The following PRKCA variants were observed in gnomAD, a reference collection of about 807,000 sequenced individuals.
PRKCA encodes protein kinase C alpha type.
PRKCA carries 27 observed loss-of-function variants against 87.0 expected under a neutral mutation model. The ratio of observed to expected loss-of-function variants is 0.31; its 90% CI spans 0.23 to 0.43. PRKCA has a LOEUF of 0.43. PRKCA is among the 20% of genes least tolerant of loss of function. The pLI is 1.00. For synonymous variants in PRKCA, 329 were observed against 311.1 expected (o/e 1.06, Z -0.61); for missense variants, 518 against 852.3 (o/e 0.61, Z 4.88).
intron 2 of PRKCA, among the ~76,000 whole-genome samples, chr17:66,491,906 G>A (rs1244522481): frequency 6.6e-6 from 1 of 152,232 alleles, no homozygotes; most frequent in Non-Finnish European, 1.5e-5. Flanking sequence ...GGCACATGCT[G>A]CATGCAGCCA....
rs752910745 is a variant in PRKCA at position 66,735,691 on chromosome 17, A to G, written c.1230+29A>G. 3 of 1,604,876 alleles carry G rather than the reference A, an allele frequency of 1.9e-6. 1 individual carries two copies. Among genetic ancestry groups the G allele is most frequent in the Non-Finnish European group, 2.6e-6 (3 of 1,174,496 alleles). On this transcript the variant is annotated intron_variant, in intron 10 of 16. Transcript: ENST00000413366. ...AGGACCCTGGGAATCCCTGCGATGC[A>G]GTACCCAGCTCTCAGAGCTACGCCT... is the stretch of plus-strand genomic sequence containing the variant.
rs913029204 is a variant in PRKCA at position 66,809,378 on chromosome 17, G to GC, written c.*5346dup. 3 of 152,546 alleles carry GC rather than the reference G, an allele frequency of 2.0e-5. No individual in the cohort carries two copies. Among genetic ancestry groups the GC allele is most frequent in the African/African-American group, 7.2e-5 (3 of 41,418 alleles). The allele number at this position is 152,546 out of a possible 1,614,324, so 9.4% of individuals were successfully genotyped here. ...AGCCTTACAGTGACCCTACACAAAAGCCCCCAAATTCCAAAGACTTTTTCT... is the reference window on the plus strand; with the variant it reads ...AGCCTTACAGTGACCCTACACAAAAGCCCCCCAAATTCCAAAGACTTTTTCT... On this transcript the variant is annotated 3_prime_UTR_variant, in exon 17 of 17. Coordinates refer to ENST00000413366, the MANE Select transcript of PRKCA (RefSeq NM_002737.3).
chr17:66,627,342 CATT>C (rs1476733003), intron 3 of PRKCA, among the ~76,000 whole-genome samples: 5 of 152,062 alleles, frequency 3.3e-5, no homozygotes, highest in Non-Finnish European at 1.5e-5. Flanking sequence ...CTATTTTGGT[CATT>C]ATTCTTCAGG....
intron 3 of PRKCA, among the ~76,000 whole-genome samples, chr17:66,555,398 T>C (rs1968464792): frequency 6.6e-6 from 1 of 152,200 alleles, no homozygotes; most frequent in Non-Finnish European, 1.5e-5. Context: ...GAACATGCTT[T>C]TCTGTCATAT....
At chr17:66,318,538 G>A (rs558035286) in intron 2 of PRKCA, among the ~76,000 whole-genome samples, 3 of 152,204 alleles carry the variant, frequency 2.0e-5, no homozygotes, top group Admixed American at 6.5e-5. Flanking sequence ...GGGCTGGAGC[G>A]GGAATAGTTG....
intron 13 of PRKCA, among the ~76,000 whole-genome samples, chr17:66,745,345 A>G (rs1489051066): frequency 6.6e-6 from 1 of 152,246 alleles, no homozygotes; most frequent in African/African-American, 2.4e-5. Context: ...TAATAGAGGA[A>G]GTGACCACCT....
intron 8 of PRKCA, among the ~76,000 whole-genome samples, chr17:66,720,494 A>T (rs1973588089): frequency 6.6e-6 from 1 of 152,086 alleles, no homozygotes; most frequent in Non-Finnish European, 1.5e-5. Flanking sequence ...TACCGTGAAA[A>T]CCCTCAGTTC....
At chr17:66,618,142 G>T (rs1002666080) in intron 3 of PRKCA, among the ~76,000 whole-genome samples, 4 of 152,072 alleles carry the variant, frequency 2.6e-5, no homozygotes, top group African/African-American at 4.8e-5. Context: ...ATCACCTGAG[G>T]TCAGGAGTTC....
At chr17:66,370,863 G>A (rs1355982606) in intron 2 of PRKCA, among the ~76,000 whole-genome samples, 1 of 152,126 alleles carries the variant, frequency 6.6e-6, no homozygotes, top group Non-Finnish European at 1.5e-5. Context: ...AGTTGCTTGA[G>A]AGCAGAGAGT....
chr17:66,353,383 C>T (rs546708899), intron 2 of PRKCA, among the ~76,000 whole-genome samples: 1 of 152,182 alleles, frequency 6.6e-6, no homozygotes, highest in African/African-American at 2.4e-5. Flanking sequence ...TGATTTGATT[C>T]AGAAAAGGAG....
chr17:66,754,225 T>C (rs989938149), intron 13 of PRKCA, among the ~76,000 whole-genome samples: 1 of 152,026 alleles, frequency 6.6e-6, no homozygotes, highest in African/African-American at 2.4e-5. Context: ...TTCATATATA[T>C]ATGTATGTGT....
At chr17:66,337,196 A>G (rs543005642) in intron 2 of PRKCA, among the ~76,000 whole-genome samples, 2 of 152,268 alleles carry the variant, frequency 1.3e-5, no homozygotes, top group African/African-American at 4.8e-5. Context: ...GGGGGCAGGC[A>G]GGGAGGTTAC....
At chr17:66,471,248 A>C (rs1350128507) in intron 2 of PRKCA, among the ~76,000 whole-genome samples, 1 of 152,232 alleles carries the variant, frequency 6.6e-6, no homozygotes, top group Non-Finnish European at 1.5e-5. Flanking sequence ...TCACAAAGAA[A>C]GATTGGATAC....
intron 9 of PRKCA, among the ~76,000 whole-genome samples, chr17:66,733,828 C>T (rs1003525790): frequency 7.2e-5 from 11 of 152,164 alleles, no homozygotes; most frequent in African/African-American, 2.7e-4. Flanking sequence ...TGGAAGTTGG[C>T]TCTTTAGATC....
At chr17:66,566,463 A>G (rs1378580824) in intron 3 of PRKCA, among the ~76,000 whole-genome samples, 1 of 146,274 alleles carries the variant, frequency 6.8e-6, no homozygotes, top group African/African-American at 2.5e-5. Context: ...ATTGTGAAGA[A>G]CTGTTGTTGT....
At chr17:66,463,519 C>A (rs1914951576) in intron 2 of PRKCA, among the ~76,000 whole-genome samples, 1 of 152,060 alleles carries the variant, frequency 6.6e-6, no homozygotes, top group East Asian at 1.9e-4. Flanking sequence ...CCTCAGCCTC[C>A]CAAGTAGCTG....
chr17:66,759,527 C>CAA (rs60704420), intron 13 of PRKCA, among the ~76,000 whole-genome samples: 11 of 110,534 alleles, frequency 1.0e-4, no homozygotes, highest in Admixed American at 3.6e-4. Context: ...GAGTGGGAGA[C>CAA]AAAAAAAAAA....
chr17:66,627,863 A>G (rs1466604308), intron 3 of PRKCA, among the ~76,000 whole-genome samples: 1 of 152,180 alleles, frequency 6.6e-6, no homozygotes, highest in Non-Finnish European at 1.5e-5. Flanking sequence ...TAGAAAAGGA[A>G]TGAAGGGGTA....
In PRKCA at chr17:66,357,632, G is replaced by A. The variant is rs571678550; in HGVS notation, c.205+51505G>A. Reference sequence around the variant, plus strand: ...AAGTAATTTAACTTTTCCTGGCAGAGTTTTCTCGTTTATAAAATAGAAATA... The same window carrying A: ...AAGTAATTTAACTTTTCCTGGCAGAATTTTCTCGTTTATAAAATAGAAATA... On this transcript the variant is annotated intron_variant, in intron 2 of 16. Coordinates refer to ENST00000413366, the MANE Select transcript of PRKCA (RefSeq NM_002737.3). Among the ~76,000 whole-genome samples, 11 of 152,256 alleles carry A rather than the reference G, an allele frequency of 7.2e-5. No individual in the cohort carries two copies. In the South Asian group the frequency reaches 2.3e-3, roughly 32 times the overall value.
Sources: gnomAD v4.1 joint callset for allele counts (sites outside exome capture counted in the v4.1 genomes callset) on GRCh38, gnomAD v4.1.1 for gene constraint, MANE v1.5 for transcripts, NCBI Gene and HGNC (gene_info 2026-07-23, HGNC 2026-07-21) for gene names.